Variants in PRR5L observed in about 807,000 individuals in gnomAD.
PRR5L encodes proline-rich protein 5-like.
In PRR5L, 21 loss-of-function variants were observed where a neutral mutation model predicts 36.4. The observed-to-expected ratio is 0.58, with a 90% confidence interval of 0.41 to 0.83. PRR5L has a LOEUF of 0.83. PRR5L is among the 40% of genes least tolerant of loss of function. The pLI, the probability that PRR5L is intolerant of heterozygous loss-of-function variation, is 0.00. For missense variants in PRR5L, 381 were observed against 473.3 expected, an observed-to-expected ratio of 0.80 and a Z score of 1.81; for synonymous variants, 188 against 197.0, an observed-to-expected ratio of 0.95 and a Z score of 0.38.
chr11:36,319,473 T>C (rs552901565), intron 1 of PRR5L, among the ~76,000 whole-genome samples: 1 of 152,330 alleles, frequency 6.6e-6, no homozygotes, highest in African/African-American at 2.4e-5. Context: ...AAGGGCCAGA[T>C]AGTAAGGGCT....
intron 1 of PRR5L, chr11:36,376,087 GC>G (rs1857253268): frequency 8.3e-7 from 1 of 1,201,240 alleles, no homozygotes; most frequent in Non-Finnish European, 1.1e-6. Context: ...CCCTTGACCT[GC>G]TGCATCCTCC....
At position 36,450,140 on chromosome 11, in the gene PRR5L, T is replaced by C. The variant is rs75688432; in HGVS notation, c.586-1069T>C. Among the ~76,000 whole-genome samples, 556 of 152,278 alleles carry C rather than the reference T, an allele frequency of 3.7e-3. 10 individuals are homozygous for C. The East Asian group carries it at 0.041, about 11-fold the overall frequency. ...AGGAAGAGCCTGTTTCCTTGGCAGCTTACATCTCCCCCTGGGATTGCCAAC... is the reference window on the plus strand; with the variant it reads ...AGGAAGAGCCTGTTTCCTTGGCAGCCTACATCTCCCCCTGGGATTGCCAAC... On this transcript the variant is annotated intron_variant, in intron 7 of 8. Coordinates refer to ENST00000530639, the MANE Select transcript of PRR5L (RefSeq NM_001160167.2).
At chr11:36,412,669 A>G (rs1290084602) in intron 3 of PRR5L, among the ~76,000 whole-genome samples, 1 of 152,154 alleles carries the variant, frequency 6.6e-6, no homozygotes, top group African/African-American at 2.4e-5. Flanking sequence ...TAAATTGGTA[A>G]AAGTAAGTCA....
intron 1 of PRR5L, among the ~76,000 whole-genome samples, chr11:36,372,819 T>G (rs954095777): frequency 2.0e-5 from 3 of 152,212 alleles, no homozygotes; most frequent in Non-Finnish European, 4.4e-5. Context: ...TTTCTAATTT[T>G]AAAATATTGG....
At position 36,443,785 on chromosome 11, in the gene PRR5L, T is replaced by TGGGTGA. The variant is rs1177001212; in HGVS notation, c.445-2515_445-2514insGGGTGA. Among the ~76,000 whole-genome samples the TGGGTGA allele has an allele frequency of 1.1e-4, 16 of 152,306 alleles. No homozygotes were observed. The Middle Eastern group carries it at 0.01, about 97-fold the overall frequency. On this transcript the variant is annotated intron_variant, in intron 6 of 8. Coordinates refer to ENST00000530639, the MANE Select transcript of PRR5L (RefSeq NM_001160167.2). Reference sequence around the variant, plus strand: ...GTTGACAATGGGTGACTGTTGAGTGTCTACCATATACTGGCACTGTTATGG... The same window carrying TGGGTGA: ...GTTGACAATGGGTGACTGTTGAGTGTGGGTGACTACCATATACTGGCACTGTTATGG...
intron 1 of PRR5L, among the ~76,000 whole-genome samples, chr11:36,389,481 C>G (rs570616827): frequency 6.6e-6 from 1 of 152,156 alleles, no homozygotes; most frequent in East Asian, 1.9e-4. Flanking sequence ...ATTTGACAGA[C>G]AAGGACACTG....
At chr11:36,341,562 G>A (rs926054040) in intron 1 of PRR5L, among the ~76,000 whole-genome samples, 1 of 152,162 alleles carries the variant, frequency 6.6e-6, no homozygotes, top group Non-Finnish European at 1.5e-5. Flanking sequence ...GTCACAGTAA[G>A]CAGAGCCATT....
In PRR5L at chr11:36,364,472, C is replaced by T. The variant is rs112724056; in HGVS notation, c.-125-36525C>T. Among the ~76,000 whole-genome samples the T allele has an allele frequency of 1.5e-3, 221 of 152,266 alleles. 1 individual carries two copies. Among genetic ancestry groups the T allele is most frequent in the South Asian group, 3.5e-3 (17 of 4,824 alleles). ...TAAGTCACCTCACCCCTCTGCTCTTCGGTGTCTTCATCTGTAAGGTAGGTT... is the reference window on the plus strand; with the variant it reads ...TAAGTCACCTCACCCCTCTGCTCTTTGGTGTCTTCATCTGTAAGGTAGGTT... On this transcript the variant is annotated intron_variant, in intron 1 of 8. Transcript: ENST00000530639.
At chr11:36,457,583 G>A (rs1167586334) in intron 8 of PRR5L, among the ~76,000 whole-genome samples, 3 of 149,972 alleles carry the variant, frequency 2.0e-5, no homozygotes, top group African/African-American at 4.9e-5. Context: ...TCCAGCCTGG[G>A]CAACAGAGTG....
intron 1 of PRR5L, chr11:36,321,216 A>G (rs1856610693): frequency 6.6e-6 from 1 of 152,212 alleles, no homozygotes; most frequent in Admixed American, 6.5e-5. Flanking sequence ...TACAGCACTC[A>G]ATAATGTCCT....
chr11:36,419,889 T>A (rs775515961), intron 4 of PRR5L, among the ~76,000 whole-genome samples: 4 of 152,102 alleles, frequency 2.6e-5, no homozygotes, highest in Non-Finnish European at 5.9e-5. Flanking sequence ...ACCATGGGGA[T>A]CCCTTGAAAG....
chr11:36,331,093 A>G (rs958143233), intron 1 of PRR5L, among the ~76,000 whole-genome samples: 1 of 152,220 alleles, frequency 6.6e-6, no homozygotes. Flanking sequence ...GGCATGAGCC[A>G]CCACACCTGG....
Position 36,376,770 on chromosome 11 carries a change from T to C in PRR5L, c.-125-24227T>C, listed in dbSNP as rs946111117. On this transcript the variant is annotated intron_variant, in intron 1 of 8. Coordinates refer to ENST00000530639, the MANE Select transcript of PRR5L (RefSeq NM_001160167.2). ...TCATAGGCTCAGCAACCGCGCAGGA[T>C]TGAGCGAAAATTACCGCGCGCTAAT... 2.5e-5 allele frequency: 24 copies of C among 966,622 alleles called. 1 individual carries two copies. The African/African-American group carries it at 3.9e-4, about 16-fold the overall frequency. 59.9% of individuals were successfully genotyped at this position (966,622 alleles called of 1,614,324 possible). A position where few individuals can be genotyped will look rare whatever the true frequency, so the allele number is the denominator to read the frequency against.
At chr11:36,434,163 T>C (rs1368053016) in intron 5 of PRR5L, among the ~76,000 whole-genome samples, 1 of 152,212 alleles carries the variant, frequency 6.6e-6, no homozygotes, top group Admixed American at 6.5e-5. Flanking sequence ...CCCCCTGCCC[T>C]GGCATGGCCT....
intron 3 of PRR5L, among the ~76,000 whole-genome samples, chr11:36,408,075 A>G (rs1590549274): frequency 6.6e-6 from 1 of 152,152 alleles, no homozygotes; most frequent in South Asian, 2.1e-4. Context: ...GGAGTTTGAG[A>G]CCAGCCTGGC....
intron 1 of PRR5L, among the ~76,000 whole-genome samples, chr11:36,336,325 G>A (rs1480158609): frequency 6.6e-6 from 1 of 152,026 alleles, no homozygotes; most frequent in East Asian, 1.9e-4. Context: ...CTTCTCCTGG[G>A]CTCAAGCAAT....
Position 36,464,346 on chromosome 11 carries a change from T to TAA in PRR5L, c.*1611_*1612dup, listed in dbSNP as rs1859253085. On this transcript the variant is annotated 3_prime_UTR_variant, in exon 9 of 9. Coordinates refer to ENST00000530639, the MANE Select transcript of PRR5L (RefSeq NM_001160167.2). ...ACGGTGATGAGACCTTCTCATTATG[T>TAA]AACTCTTGATGGCATTTCCCTTCTG... 2 of 152,342 alleles carry TAA rather than the reference T, an allele frequency of 1.3e-5. No homozygotes were observed. Among genetic ancestry groups the TAA allele is most frequent in the South Asian group, 4.1e-4 (2 of 4,826 alleles). 9.4% of individuals were successfully genotyped at this position (152,342 alleles called of 1,614,324 possible).
intron 4 of PRR5L, among the ~76,000 whole-genome samples, chr11:36,426,831 T>C (rs750260276): frequency 6.6e-6 from 1 of 152,204 alleles, no homozygotes; most frequent in African/African-American, 2.4e-5. Context: ...AGCCTTAGTG[T>C]TTACAGAATT....
intron 1 of PRR5L, among the ~76,000 whole-genome samples, chr11:36,314,270 A>G (rs1054873556): frequency 2.0e-5 from 3 of 152,180 alleles, no homozygotes; most frequent in African/African-American, 7.2e-5. Context: ...ATGGGAGGAC[A>G]GCTGGTCCCT....
Sources: gnomAD v4.1 joint callset for allele counts (sites outside exome capture counted in the v4.1 genomes callset) on GRCh38, gnomAD v4.1.1 for gene constraint, MANE v1.5 for transcripts, NCBI Gene and HGNC (gene_info 2026-07-23, HGNC 2026-07-21) for gene names.